DENND6A: variants seen among roughly 807,000 people sequenced by gnomAD.
The protein encoded by DENND6A is protein DENND6A.
A neutral mutation model predicts 95.5 loss-of-function variants in DENND6A; 43 were observed. The observed-to-expected ratio is 0.45, with a 90% CI of 0.35 to 0.58. The LOEUF is 0.58. DENND6A is among the 20% of genes least tolerant of loss of function. The pLI is 0.00. For missense variants in DENND6A, 574 were observed against 736.0 expected, an observed-to-expected ratio of 0.78 and a Z score of 2.55; for synonymous variants, 257 against 260.4, an observed-to-expected ratio of 0.99 and a Z score of 0.13.
chr3:57,684,151 CAAAAAAA>C (rs35147242), intron 1 of DENND6A, among the ~76,000 whole-genome samples: 5 of 79,130 alleles, frequency 6.3e-5, no homozygotes, highest in Non-Finnish European at 1.1e-4. Flanking sequence ...GACTCCGTCT[CAAAAAAA>C]AAAAAAAAAA....
In DENND6A at chr3:57,678,115, TTC is replaced by T. The variant is rs374867706; in HGVS notation, c.238-5679_238-5678del. Among the ~76,000 whole-genome samples, 124 of 152,336 alleles carry T rather than the reference TTC, an allele frequency of 8.1e-4. No individual in the cohort carries two copies. In the East Asian group the frequency reaches 0.019, roughly 23 times the overall value. ...TGATTCTTTTTTAAAAAAAAGAACT[TTC>T]TGTTATAATCCACTTAGACTAAATA... On this transcript the variant is annotated intron_variant, in intron 1 of 19. Coordinates refer to ENST00000311128, the MANE Select transcript of DENND6A (RefSeq NM_152678.3).
intron 1 of DENND6A, among the ~76,000 whole-genome samples, chr3:57,689,175 G>A (rs1234028885): frequency 1.3e-5 from 2 of 151,854 alleles, no homozygotes; most frequent in African/African-American, 4.8e-5. Flanking sequence ...GGGTGGTCTC[G>A]ATCTCTTGAC....
chr3:57,645,296 A>G (rs934912154), intron 11 of DENND6A, among the ~76,000 whole-genome samples: 1 of 151,958 alleles, frequency 6.6e-6, no homozygotes, highest in Non-Finnish European at 1.5e-5. Context: ...CCCTGTCTCT[A>G]CTAAAAATAC....
In DENND6A at chr3:57,672,301, G is replaced by A. The variant is rs1410567266; in HGVS notation, c.277-3C>T. ...GACAAATAGCAAATATTGGTTTTCT[G>A]AAAAAGAAAACAAAAGTGATGTATG... On this transcript the variant is annotated splice_polypyrimidine_tract_variant and splice_region_variant and intron_variant, in intron 2 of 19. Transcript: ENST00000311128. 2 of 1,608,910 alleles carry A rather than the reference G, an allele frequency of 1.2e-6. No homozygotes were observed. Among genetic ancestry groups the A allele is most frequent in the Non-Finnish European group, 1.7e-6 (2 of 1,178,496 alleles).
In DENND6A at chr3:57,658,127, T is replaced by C. The variant is rs371490789; in HGVS notation, c.763-392A>G. Among the ~76,000 whole-genome samples, 26 of 151,464 alleles carry C rather than the reference T, an allele frequency of 1.7e-4. No individual in the cohort carries two copies. The East Asian group carries it at 4.5e-3, about 26-fold the overall frequency. On this transcript the variant is annotated intron_variant, in intron 8 of 19. Coordinates refer to ENST00000311128, the MANE Select transcript of DENND6A (RefSeq NM_152678.3). ...GGCAGGCGCCTGTAGTCCCAGCTAC[T>C]CGGGAGGCTGAGGCAGGAGAATGGC...
intron 18 of DENND6A, 24 bp downstream of exon 18, chr3:57,630,397 T>C (rs771694326): frequency 6.4e-7 from 1 of 1,554,560 alleles, no homozygotes. Flanking sequence ...TGTTAATCAT[T>C]ACACAAACAC....
Position 57,633,309 on chromosome 3 carries a change from G to A in DENND6A, c.1309C>T (p.Arg437Ter), listed in dbSNP as rs2070725353. ...TGTGTCAGTTCCAAAAAATAGCGTC[G>A]AAGAATAACACTTTGAGCCTCAGAA... is the stretch of plus-strand genomic sequence containing the variant. Reference protein sequence around the residue: ...RPSEAQSVILRRYFLELTQSF... With the variant: ...RPSEAQSVIL The change falls in exon 15 of 20, where the codon CGA becomes TGA. Residue 437 changes from arginine (R) to a stop codon, truncating the protein, a stop_gained. Coordinates refer to ENST00000311128, the MANE Select transcript of DENND6A (RefSeq NM_152678.3). LOFTEE classifies it high-confidence loss of function. 1.2e-6 allele frequency: 2 copies of A among 1,613,746 alleles called. No individual in the cohort carries two copies. The highest frequency in any genetic ancestry group is 1.7e-6 in the Non-Finnish European group (2 of 1,179,908).
At chr3:57,670,760 G>A (rs2071603782) in intron 3 of DENND6A, among the ~76,000 whole-genome samples, 1 of 152,120 alleles carries the variant, frequency 6.6e-6, no homozygotes, top group South Asian at 2.1e-4. Flanking sequence ...AAAGAGAGAG[G>A]AGCCATGACA....
At chr3:57,661,387 A>G in intron 6 of DENND6A, 59 bp downstream of exon 6, 4 of 1,238,274 alleles carry the variant, frequency 3.2e-6, no homozygotes, top group Non-Finnish European at 4.4e-6. Flanking sequence ...CTTCATTTTT[A>G]TCACTTATTT....
At chr3:57,663,746 T>G (rs539667010) in intron 4 of DENND6A, 30 bp from the exon 5 acceptor site, 51 of 1,369,482 alleles carry the variant, frequency 3.7e-5, no homozygotes, top group Middle Eastern at 2.0e-4. Context: ...TAAGTGTGTG[T>G]GGGGGGGTAC....
At chr3:57,635,111 T>C (rs1000726354) in intron 12 of DENND6A, among the ~76,000 whole-genome samples, 3 of 152,220 alleles carry the variant, frequency 2.0e-5, no homozygotes, top group Non-Finnish European at 4.4e-5. Flanking sequence ...ATTTAGATGC[T>C]GAATAGGAAT....
Position 57,630,813 on chromosome 3 carries a change from T to C in DENND6A, c.1419A>G (p.Gln473=), listed in dbSNP as rs1405804305. 2.5e-6 allele frequency: 4 copies of C among 1,613,946 alleles called. No individual in the cohort carries two copies. Among genetic ancestry groups the C allele is most frequent in the African/African-American group, 1.3e-5 (1 of 75,046 alleles). Residue 473 remains glutamine, a synonymous_variant, in exon 17 of 20, where the codon CAA becomes CAG. Coordinates refer to ENST00000311128, the MANE Select transcript of DENND6A (RefSeq NM_152678.3). ...KSISPWKSPP[Q]LRQFLPEEFM... ...ATTCTTCTGGAAGAAACTGTCTTAA[T>C]TGAGGTGGACTCTAGAAAACAGGAC...
chr3:57,682,051 CAT>C (rs1365791307), intron 1 of DENND6A, among the ~76,000 whole-genome samples: 2 of 152,124 alleles, frequency 1.3e-5, no homozygotes, highest in East Asian at 1.9e-4. Context: ...GGCATAAAAT[CAT>C]AGTCTCTCTC....
chr3:57,667,173 T>G (rs954674886), intron 3 of DENND6A, among the ~76,000 whole-genome samples: 4 of 152,012 alleles, frequency 2.6e-5, no homozygotes, highest in African/African-American at 9.7e-5. Context: ...GGATTACAGG[T>G]GCGTGCCACC....
chr3:57,653,317 T>C (rs1195455786), intron 9 of DENND6A, among the ~76,000 whole-genome samples: 1 of 152,166 alleles, frequency 6.6e-6, no homozygotes, highest in African/African-American at 2.4e-5. Context: ...ACATAGAAGA[T>C]AGGAAGTATA....
chr3:57,675,115 A>G (rs1330284489), intron 1 of DENND6A, among the ~76,000 whole-genome samples: 1 of 152,256 alleles, frequency 6.6e-6, no homozygotes, highest in East Asian at 1.9e-4. Context: ...AAACTTTTAC[A>G]TGTACCCAGA....
intron 1 of DENND6A, among the ~76,000 whole-genome samples, chr3:57,678,456 G>C (rs1414510479): frequency 6.6e-6 from 1 of 152,182 alleles, no homozygotes; most frequent in East Asian, 1.9e-4. Context: ...CAGGCAATTG[G>C]GGAGATAAGA....
At chr3:57,642,448 T>G (rs917834158) in intron 11 of DENND6A, among the ~76,000 whole-genome samples, 14 of 151,200 alleles carry the variant, frequency 9.3e-5, no homozygotes, top group African/African-American at 3.4e-4. Flanking sequence ...TTTTGCCAAG[T>G]GGATGAGAGA....
intron 11 of DENND6A, among the ~76,000 whole-genome samples, chr3:57,643,800 C>A (rs1201345721): frequency 6.7e-6 from 1 of 149,722 alleles, no homozygotes; most frequent in Non-Finnish European, 1.5e-5. Context: ...GCACTCCAGC[C>A]CAGGCAACAG....
Sources: gnomAD v4.1 joint callset for allele counts (sites outside exome capture counted in the v4.1 genomes callset) on GRCh38, gnomAD v4.1.1 for gene constraint, MANE v1.5 for transcripts, NCBI Gene and HGNC (gene_info 2026-07-23, HGNC 2026-07-21) for gene names.